GRID1: variants seen among roughly 807,000 people sequenced by gnomAD.
GRID1 encodes glutamate ionotropic receptor delta type subunit 1.
In GRID1, 28 loss-of-function variants were observed where a neutral mutation model predicts 98.0. That is an observed-to-expected ratio of 0.29 (90% CI 0.21 to 0.39). The LOEUF (loss-of-function observed/expected upper bound fraction) is 0.39. Ranked by LOEUF, GRID1 falls within the 10% of genes least tolerant of loss-of-function variation. The pLI is 1.00. For synonymous variants in GRID1, 553 were observed against 538.5 expected, an observed-to-expected ratio of 1.03 and a Z score of -0.37; for missense variants, 1,111 against 1,340.5, an observed-to-expected ratio of 0.83 and a Z score of 2.67.
At chr10:86,347,870 T>G (rs887840952) in intron 2 of GRID1, among the ~76,000 whole-genome samples, 1 of 152,300 alleles carries the variant, frequency 6.6e-6, no homozygotes, top group East Asian at 1.9e-4. Context: ...GATGGTCCGC[T>G]TTAGCATTCT....
chr10:85,708,113 T>TAAAAAAAA (rs768805148), intron 12 of GRID1, among the ~76,000 whole-genome samples: 1 of 120,928 alleles, frequency 8.3e-6, no homozygotes, highest in African/African-American at 2.7e-5. Flanking sequence ...TAAAGTATAA[T>TAAAAAAAA]AAAAAAAAAA....
intron 4 of GRID1, among the ~76,000 whole-genome samples, chr10:86,095,279 C>A (rs559338478): frequency 1.3e-5 from 2 of 152,124 alleles, no homozygotes; most frequent in Admixed American, 6.6e-5. Context: ...AAAAACTCTT[C>A]CAGACATTGG....
At chr10:85,882,745 A>G (rs1841052108) in intron 5 of GRID1, among the ~76,000 whole-genome samples, 1 of 152,220 alleles carries the variant, frequency 6.6e-6, no homozygotes, top group Admixed American at 6.5e-5. Context: ...CACATTGTGC[A>G]CATGTACCCT....
chr10:86,191,638 T>A (rs1391999978), intron 3 of GRID1, among the ~76,000 whole-genome samples: 1 of 152,066 alleles, frequency 6.6e-6, no homozygotes, highest in African/African-American at 2.4e-5. Context: ...CTGGCCATGG[T>A]TGGGTCTCCC....
At chr10:85,693,231 T>C (rs191334604) in intron 12 of GRID1, among the ~76,000 whole-genome samples, 2 of 151,910 alleles carry the variant, frequency 1.3e-5, no homozygotes, top group Non-Finnish European at 2.9e-5. Context: ...ATTAACAGAG[T>C]AGTTCTGGGG....
chr10:85,850,579 C>T (rs1243340803), intron 8 of GRID1, among the ~76,000 whole-genome samples: 1 of 152,196 alleles, frequency 6.6e-6, no homozygotes, highest in East Asian at 1.9e-4. Flanking sequence ...CTGGCCTTGG[C>T]TTTGGAGCTA....
intron 5 of GRID1, among the ~76,000 whole-genome samples, chr10:85,896,891 T>C (rs573847017): frequency 3.6e-4 from 55 of 152,296 alleles, no homozygotes; most frequent in Admixed American, 3.1e-3. Context: ...TAATTTACAA[T>C]AGCATTAACC....
intron 4 of GRID1, among the ~76,000 whole-genome samples, chr10:86,095,717 T>C (rs1183358178): frequency 2.6e-5 from 4 of 152,136 alleles, no homozygotes; most frequent in African/African-American, 9.6e-5. Context: ...TAAAAGTAGA[T>C]GTTGGCGCAG....
rs116051496 is a variant in GRID1, at chr10:86,247,481, G to A, written c.236-40833C>T. ...AGTATAAAAGGATTGACAGATAGAT[G>A]GATGAATGGATGGATAGATAAATTC... On this transcript the variant is annotated intron_variant, in intron 2 of 15. Coordinates refer to ENST00000327946, the MANE Select transcript of GRID1 (RefSeq NM_017551.3). 8.3e-3 allele frequency among the ~76,000 whole-genome samples: 1,258 copies of A among 152,212 alleles called. 6 individuals carry two copies. Among genetic ancestry groups the A allele is most frequent in the Middle Eastern group, 0.02 (6 of 294 alleles).
chr10:85,938,106 C>T (rs1589305679), intron 4 of GRID1, among the ~76,000 whole-genome samples: 1 of 152,288 alleles, frequency 6.6e-6, no homozygotes, highest in East Asian at 1.9e-4. Flanking sequence ...GAGTTTCTTC[C>T]AGAGGTATGA....
intron 3 of GRID1, among the ~76,000 whole-genome samples, chr10:86,141,921 T>G (rs927810191): frequency 2.6e-5 from 4 of 152,250 alleles, no homozygotes; most frequent in Non-Finnish European, 5.9e-5. Context: ...TCCCAGGCTT[T>G]TTGTTCTGTC....
chr10:86,002,975 CG>C (rs1842818869), intron 4 of GRID1, among the ~76,000 whole-genome samples: 1 of 152,178 alleles, frequency 6.6e-6, no homozygotes, highest in Non-Finnish European at 1.5e-5. Flanking sequence ...GCCCTAACTC[CG>C]CTTGCAGAGC....
chr10:86,119,849 CG>C (rs1483228826), intron 4 of GRID1, among the ~76,000 whole-genome samples: 1 of 151,994 alleles, frequency 6.6e-6, no homozygotes, highest in Non-Finnish European at 1.5e-5. Flanking sequence ...GGAGTGCAGT[CG>C]CGCCATCTCA....
intron 13 of GRID1, among the ~76,000 whole-genome samples, chr10:85,643,532 G>A (rs1843149061): frequency 1.3e-5 from 2 of 152,158 alleles, no homozygotes; most frequent in Admixed American, 1.3e-4. Context: ...GAAGAAGACA[G>A]ATTTCAGACA....
In GRID1 at chr10:86,007,305, C is replaced by A. The variant is rs79468538; in HGVS notation, c.727-91066G>T. Among the ~76,000 whole-genome samples the A allele has an allele frequency of 2.3e-3, 350 of 152,296 alleles. 5 individuals carry two copies. The East Asian group carries it at 0.051, about 22-fold the overall frequency. ...TCTCTGCCGCTCTCTCCTCCCACCC[C>A]CCACTGACACTGACCGCTGGAATCC... On this transcript the variant is annotated intron_variant, in intron 4 of 15. Transcript: ENST00000327946.
chr10:85,765,522 A>ATG (rs1842189516), intron 8 of GRID1, among the ~76,000 whole-genome samples: 2 of 152,224 alleles, frequency 1.3e-5, no homozygotes, highest in African/African-American at 4.8e-5. Context: ...ACCTGACCTC[A>ATG]TGTAACACAT....
intron 4 of GRID1, among the ~76,000 whole-genome samples, chr10:86,069,026 A>G (rs1212728377): frequency 6.6e-6 from 1 of 151,824 alleles, no homozygotes; most frequent in Non-Finnish European, 1.5e-5. Flanking sequence ...AGACCCAACA[A>G]TTTCCTGGAG....
intron 12 of GRID1, among the ~76,000 whole-genome samples, chr10:85,671,219 C>T (rs561225764): frequency 2.0e-5 from 3 of 152,300 alleles, no homozygotes; most frequent in Admixed American, 2.0e-4. Flanking sequence ...AGGCTTGCCA[C>T]CTTTTACTGC....
At chr10:86,155,184 C>G (rs558489640) in intron 3 of GRID1, among the ~76,000 whole-genome samples, 2 of 152,336 alleles carry the variant, frequency 1.3e-5, no homozygotes, top group Admixed American at 1.3e-4. Flanking sequence ...GCCAGCACCA[C>G]GGGCTGTATG....
Sources: gnomAD v4.1 joint callset for allele counts (sites outside exome capture counted in the v4.1 genomes callset) on GRCh38, gnomAD v4.1.1 for gene constraint, MANE v1.5 for transcripts, NCBI Gene and HGNC (gene_info 2026-07-23, HGNC 2026-07-21) for gene names.